The following ZNF341 variants were observed in gnomAD, a reference collection of about 807,000 sequenced individuals.
ZNF341 encodes zinc finger protein 341.
A neutral mutation model predicts 87.7 loss-of-function variants in ZNF341; 52 were observed. The ratio of observed to expected loss-of-function variants is 0.59; its 90% CI spans 0.47 to 0.75. The LOEUF (loss-of-function observed/expected upper bound fraction) is 0.75, where lower values mean the gene tolerates loss of function less well. Among genes scored for constraint, ZNF341 ranks in the 30% least tolerant of loss-of-function variants. The pLI, the probability that ZNF341 is intolerant of heterozygous loss-of-function variation, is 0.00. For missense variants in ZNF341, 977 were observed against 1,145.9 expected, an observed-to-expected ratio of 0.85 and a Z score of 2.13; for synonymous variants, 459 against 472.7, an observed-to-expected ratio of 0.97 and a Z score of 0.38.
intron 2 of ZNF341, among the ~76,000 whole-genome samples, chr20:33,742,541 C>T (rs1487343301): frequency 6.6e-6 from 1 of 151,984 alleles, no homozygotes; most frequent in Non-Finnish European, 1.5e-5. Context: ...GTCTCGAACT[C>T]CTGACCTCAG....
intron 10 of ZNF341, among the ~76,000 whole-genome samples, chr20:33,777,322 CAAAAAAA>C (rs71192713): frequency 3.1e-4 from 10 of 32,642 alleles, no homozygotes; most frequent in African/African-American, 8.7e-4. Context: ...GACCCTATCT[CAAAAAAA>C]AAAAAAAAAA....
rs769114336 is a variant in ZNF341 at position 33,740,917 on chromosome 20, C to T, written c.47C>T (p.Thr16Ile). The T allele has an allele frequency of 4.3e-6, 7 of 1,614,126 alleles. No homozygotes were observed. The South Asian group carries it at 6.6e-5, about 15-fold the overall frequency. The change falls in exon 2 of 15, where the codon ACC (threonine) becomes ATC (isoleucine). Residue 16 changes from threonine (T) to isoleucine (I), a missense_variant. By Grantham distance (89) the Thr-to-Ile change is moderately conservative. Around this residue, in one of 3 missense-constraint regions of ZNF341, gnomAD observed 515 missense variants for 598.2 expected, o/e 0.86. Coordinates refer to ENST00000375200, the MANE Select transcript of ZNF341 (RefSeq NM_001282933.2). ...CTTTTTTCAGGAATGGACAATCAGA[C>T]CGTTCTGGCTGTCCAGTCATTATTG... ...FEALEGMDNQ[T>I]VLAVQSLLDG...
chr20:33,776,646 A>C (rs1368336524), intron 10 of ZNF341, among the ~76,000 whole-genome samples: 1 of 152,172 alleles, frequency 6.6e-6, no homozygotes, highest in Non-Finnish European at 1.5e-5. Context: ...TTGTTCTCCC[A>C]AAGGTCTGGG....
chr20:33,781,279 C>T lies in ZNF341; in HGVS notation c.1623-12C>T, dbSNP rs748018620. 4.3e-6 allele frequency: 7 copies of T among 1,611,098 alleles called. No individual in the cohort carries two copies. The highest frequency in any genetic ancestry group is 5.1e-6 in the Non-Finnish European group (6 of 1,177,446). ...TGTTTCCTCCCTCATCTCTCCTGCT[C>T]CTTCCACTTAGGTGTGTCAAATGTG... On this transcript the variant is annotated splice_polypyrimidine_tract_variant and intron_variant, in intron 10 of 14. Coordinates refer to ENST00000375200, the MANE Select transcript of ZNF341 (RefSeq NM_001282933.2).
intron 5 of ZNF341, among the ~76,000 whole-genome samples, chr20:33,756,561 T>C (rs1054767971): frequency 2.0e-5 from 3 of 151,908 alleles, no homozygotes; most frequent in African/African-American, 7.3e-5. Flanking sequence ...AGAGATGGGG[T>C]TTCACCATGT....
At chr20:33,736,637 G>A (rs750765653) in intron 1 of ZNF341, among the ~76,000 whole-genome samples, 4 of 151,966 alleles carry the variant, frequency 2.6e-5, no homozygotes, top group East Asian at 1.9e-4. Context: ...CTACAGGTGC[G>A]TGCCTCCACA....
chr20:33,738,784 G>T (rs1012633328), intron 1 of ZNF341, among the ~76,000 whole-genome samples: 1 of 152,136 alleles, frequency 6.6e-6, no homozygotes, highest in Non-Finnish European at 1.5e-5. Flanking sequence ...GAGACTGATC[G>T]TGTGTAGCTG....
intron 1 of ZNF341, among the ~76,000 whole-genome samples, chr20:33,733,135 C>G (rs969864412): frequency 6.6e-5 from 10 of 150,886 alleles, no homozygotes; most frequent in Non-Finnish European, 1.0e-4. Flanking sequence ...CAACCTCCCC[C>G]TCCCAGGTTT....
intron 5 of ZNF341, among the ~76,000 whole-genome samples, chr20:33,753,689 T>C (rs1171902937): frequency 6.6e-6 from 1 of 152,128 alleles, no homozygotes; most frequent in Non-Finnish European, 1.5e-5. Flanking sequence ...CTGCAGGTAA[T>C]GCTCAGAACA....
chr20:33,753,067 G>T, intron 4 of ZNF341, 105 bp from the exon 5 acceptor site: 1 of 1,521,422 alleles, frequency 6.6e-7, no homozygotes. Context: ...TGTCTGGTAA[G>T]TAGCTGTTTT....
chr20:33,752,614 T>C, intron 4 of ZNF341: 1 of 274,638 alleles, frequency 3.6e-6, no homozygotes, highest in Non-Finnish European at 7.1e-6. Flanking sequence ...ATTAACTCTT[T>C]TCTGCATGAA....
chr20:33,769,641 T>A (rs2019482197), intron 9 of ZNF341, among the ~76,000 whole-genome samples: 1 of 152,180 alleles, frequency 6.6e-6, no homozygotes, highest in Admixed American at 6.5e-5. Flanking sequence ...CTGGGCACAG[T>A]GGCTCATGCC....
At chr20:33,776,264 T>A (rs541976928) in intron 10 of ZNF341, among the ~76,000 whole-genome samples, 27 of 151,832 alleles carry the variant, frequency 1.8e-4, no homozygotes, top group East Asian at 7.7e-4. Context: ...TTTTTTTTTT[T>A]AAACTTTTTG....
intron 12 of ZNF341, among the ~76,000 whole-genome samples, chr20:33,786,049 TTTG>T (rs2019853056): frequency 6.7e-6 from 1 of 148,720 alleles, no homozygotes; most frequent in African/African-American, 2.5e-5. Flanking sequence ...TTTTTTTTTT[TTTG>T]AGACTGAATG....
intron 10 of ZNF341, among the ~76,000 whole-genome samples, chr20:33,771,076 C>T (rs1036770574): frequency 4.6e-5 from 7 of 151,662 alleles, no homozygotes; most frequent in Non-Finnish European, 8.8e-5. Flanking sequence ...GAGCTGAGAC[C>T]GTGTCACTGC....
intron 3 of ZNF341, among the ~76,000 whole-genome samples, chr20:33,745,952 A>G (rs1382574714): frequency 2.3e-5 from 3 of 130,008 alleles, no homozygotes; most frequent in Non-Finnish European, 3.2e-5. Context: ...TTTTTTTGAG[A>G]CGGAGTCTTG....
intron 2 of ZNF341, among the ~76,000 whole-genome samples, chr20:33,743,031 C>CTT (rs150306011): frequency 1.4e-4 from 20 of 139,266 alleles, no homozygotes; most frequent in South Asian, 4.5e-4. Context: ...CTGTCTCTCT[C>CTT]TTTTTTTTTT....
chr20:33,748,892 T>C, intron 3 of ZNF341, 31 bp from the exon 4 acceptor site: 3 of 1,589,712 alleles, frequency 1.9e-6, no homozygotes, highest in Non-Finnish European at 2.6e-6. Context: ...TCTCTCTCCG[T>C]CTCACTCATT....
chr20:33,748,847 T>C (rs2018994751), intron 3 of ZNF341, 76 bp from the exon 4 acceptor site: 3 of 1,445,158 alleles, frequency 2.1e-6, no homozygotes, highest in Non-Finnish European at 2.8e-6. Flanking sequence ...TGTCCACACA[T>C]GCACACACGC....
Sources: gnomAD v4.1 joint callset for allele counts (sites outside exome capture counted in the v4.1 genomes callset) on GRCh38, gnomAD v4.1.1 for gene constraint, gnomAD v4.1.1 regional missense constraint, MANE v1.5 for transcripts, NCBI Gene and HGNC (gene_info 2026-07-23, HGNC 2026-07-21) for gene names.